TMEM229B: variants seen among roughly 807,000 people sequenced by gnomAD.
TMEM229B encodes the protein chromosome 14 open reading frame 83.
In TMEM229B, 6 loss-of-function variants were observed where a neutral mutation model predicts 13.7. The observed-to-expected ratio is 0.44, with a 90% confidence interval of 0.24 to 0.86. TMEM229B has a LOEUF of 0.86. Among genes scored for constraint, TMEM229B ranks in the 40% least tolerant of loss-of-function variants. The pLI, the probability that TMEM229B is intolerant of heterozygous loss-of-function variation, is 0.23. For synonymous variants in TMEM229B, 107 were observed against 102.1 expected (o/e 1.05, Z -0.29); for missense variants, 170 against 236.0 (o/e 0.72, Z 1.83).
chr14:67,524,516 C>T (rs944295950), intron 1 of TMEM229B, among the ~76,000 whole-genome samples: 8 of 152,136 alleles, frequency 5.3e-5, no homozygotes, highest in Non-Finnish European at 1.5e-5. Context: ...TTATGCCACT[C>T]CCACCCAGAA....
chr14:67,497,988 G>C (rs556881725), intron 1 of TMEM229B, among the ~76,000 whole-genome samples: 17 of 152,086 alleles, frequency 1.1e-4, no homozygotes, highest in African/African-American at 1.7e-4. Flanking sequence ...AGGTCTCTCT[G>C]ACCTTCTCCC....
chr14:67,523,464 GT>G (rs2033320020), intron 1 of TMEM229B, among the ~76,000 whole-genome samples: 2 of 152,218 alleles, frequency 1.3e-5, no homozygotes, highest in African/African-American at 4.8e-5. Context: ...TACAGGTAGG[GT>G]TATACAGGTA....
chr14:67,496,988 G>A (rs975370071), intron 1 of TMEM229B, among the ~76,000 whole-genome samples: 1 of 151,860 alleles, frequency 6.6e-6, no homozygotes, highest in Non-Finnish European at 1.5e-5. Context: ...AGTAGAGATG[G>A]GGTTTCACCA....
chr14:67,501,217 C>A (rs1434336458), intron 1 of TMEM229B, among the ~76,000 whole-genome samples: 1 of 152,024 alleles, frequency 6.6e-6, no homozygotes, highest in African/African-American at 2.4e-5. Context: ...TCAGTTCATC[C>A]CAGAGTCATG....
At chr14:67,486,972 A>G (rs2031917744) in intron 2 of TMEM229B, 28 bp downstream of exon 2, 1 of 152,164 alleles carries the variant, frequency 6.6e-6, no homozygotes, top group Non-Finnish European at 1.5e-5. Context: ...TGGGCTGGTG[A>G]TCCCCTGGGT....
intron 1 of TMEM229B, among the ~76,000 whole-genome samples, chr14:67,513,238 A>G (rs1338762694): frequency 6.6e-6 from 1 of 152,162 alleles, no homozygotes; most frequent in Non-Finnish European, 1.5e-5. Context: ...TCAGCTCCGA[A>G]TAAATAGCTT....
rs1566663961 is a variant in TMEM229B, at chr14:67,470,352, A to G, written c.*3068T>C. On this transcript the variant is annotated 3_prime_UTR_variant, in exon 3 of 3. Transcript: ENST00000554480. ...GACCAACGGAGACACAGAGCAGGCA[A>G]TGGGCGCACAAACCGGTCGTGTGTC... 6.6e-6 allele frequency: 1 copy of G among 152,340 alleles called. No individual in the cohort carries two copies. The highest frequency in any genetic ancestry group is 1.5e-5 in the Non-Finnish European group (1 of 68,116). The allele number at this position is 152,340 out of a possible 1,614,324, so 9.4% of individuals were successfully genotyped here.
At chr14:67,516,038 T>C (rs1594719522), upstream of TMEM229B, among the ~76,000 whole-genome samples, 1 of 151,972 alleles carries the variant, frequency 6.6e-6, no homozygotes, top group Non-Finnish European at 1.5e-5. Flanking sequence ...TATTGGGAGG[T>C]GGAAAATAAT....
intron 1 of TMEM229B, among the ~76,000 whole-genome samples, chr14:67,527,556 T>C (rs1204119124): frequency 2.6e-5 from 4 of 152,222 alleles, no homozygotes; most frequent in Admixed American, 6.5e-5. Context: ...AAAGATTTCA[T>C]TTGTTTGCAG....
intron 1 of TMEM229B, chr14:67,533,166 A>C (rs955212283): frequency 1.3e-5 from 2 of 151,594 alleles, no homozygotes; most frequent in African/African-American, 4.9e-5. Flanking sequence ...CGCCCGGCGG[A>C]GCGTTGAATG....
chr14:67,503,736 CTCTG>C (rs2032702725), intron 1 of TMEM229B, among the ~76,000 whole-genome samples: 1 of 152,036 alleles, frequency 6.6e-6, no homozygotes, highest in Non-Finnish European at 1.5e-5. Flanking sequence ...CAGAGTCTAG[CTCTG>C]TCACCCAGGC....
chr14:67,524,311 C>T (rs17782153), intron 1 of TMEM229B, among the ~76,000 whole-genome samples: 60,491 of 151,874 alleles, frequency 0.4, 12,363 homozygotes, highest in African/African-American at 0.43. Context: ...CCCACTGGAC[C>T]CCAATCCCTG....
chr14:67,474,136 C>T (rs1291122659), intron 2 of TMEM229B, among the ~76,000 whole-genome samples, 195 bp from the exon 3 acceptor site: 1 of 152,144 alleles, frequency 6.6e-6, no homozygotes, highest in Non-Finnish European at 1.5e-5. Flanking sequence ...CCTGTAATCC[C>T]AGCTACTTGG....
At chr14:67,513,333 T>A (rs1332031875) in intron 1 of TMEM229B, among the ~76,000 whole-genome samples, 3 of 152,178 alleles carry the variant, frequency 2.0e-5, no homozygotes, top group African/African-American at 7.2e-5. Flanking sequence ...TCCATAGAAG[T>A]GGGCCTAGCT....
intron 1 of TMEM229B, among the ~76,000 whole-genome samples, chr14:67,532,359 A>G (rs2033488414): frequency 6.6e-6 from 1 of 152,214 alleles, no homozygotes; most frequent in Admixed American, 6.5e-5. Context: ...GGGTTGAGGA[A>G]GAAGGCTCTG....
chr14:67,514,654 C>T (rs2140253902), intron 1 of TMEM229B, among the ~76,000 whole-genome samples: 1 of 152,282 alleles, frequency 6.6e-6, no homozygotes, highest in African/African-American at 2.4e-5. Context: ...GGCTCCCCAG[C>T]TTCCACCCAG....
intron 1 of TMEM229B, among the ~76,000 whole-genome samples, chr14:67,513,606 C>T (rs2033098959): frequency 6.6e-6 from 1 of 152,198 alleles, no homozygotes. Context: ...TCTCAGCACA[C>T]CCCTGAGCAA....
At chr14:67,527,371 G>A (rs1442220518) in intron 1 of TMEM229B, among the ~76,000 whole-genome samples, 1 of 152,170 alleles carries the variant, frequency 6.6e-6, no homozygotes, top group Admixed American at 6.5e-5. Context: ...TCGGGAGCCG[G>A]AGGTTGCAGT....
chr14:67,491,129 T>C (rs2032151802), upstream of TMEM229B, among the ~76,000 whole-genome samples: 1 of 152,190 alleles, frequency 6.6e-6, no homozygotes, highest in South Asian at 2.1e-4. Flanking sequence ...GACCGCCTCC[T>C]TGGGTTCTAT....
Sources: allele counts gnomAD v4.1 joint callset (sites outside exome capture counted in the v4.1 genomes callset), GRCh38; gene constraint gnomAD v4.1.1; transcripts MANE v1.5; gene names NCBI Gene and HGNC (gene_info 2026-07-23, HGNC 2026-07-21).